Variants in STAP1 observed in about 807,000 individuals in gnomAD.
STAP1 encodes the protein signal transducing adaptor family member 1, also known as signal-transducing adaptor protein 1.
Under a neutral mutation model 37.8 loss-of-function variants are expected in STAP1, and 30 were observed. The observed-to-expected ratio is 0.79, with a 90% CI of 0.59 to 1.08. STAP1 has a LOEUF of 1.08. STAP1 is among the 50% of genes least tolerant of loss of function. STAP1 has a pLI of 0.00. For synonymous variants in STAP1, 130 were observed against 116.0 expected (o/e 1.12, Z -0.78); for missense variants, 357 against 349.4 (o/e 1.02, Z -0.17).
At chr4:67,569,607 T>C (rs1727553269) in intron 1 of STAP1, among the ~76,000 whole-genome samples, 1 of 152,056 alleles carries the variant, frequency 6.6e-6, no homozygotes, top group Non-Finnish European at 1.5e-5. Context: ...TAAAATTCTT[T>C]ATTTTATTTT....
In STAP1 at chr4:67,593,359, A is replaced by T. The variant is rs771750925; in HGVS notation, c.826+3A>T. ...ATGTTCAACTGATGAAAACACTGGT[A>T]TGTTTTTCACTTCATTGCTATGTTA... On this transcript the variant is annotated splice_donor_region_variant and intron_variant, in intron 8 of 8. Coordinates refer to ENST00000265404, the MANE Select transcript of STAP1 (RefSeq NM_012108.4). The T allele has an allele frequency of 6.3e-7, 1 of 1,593,964 alleles. No homozygotes were observed. Among genetic ancestry groups the T allele is most frequent in the Non-Finnish European group, 8.6e-7 (1 of 1,164,712 alleles).
rs3032636 is a variant in STAP1 at position 67,588,039 on chromosome 4, T to TAAA, written c.660-2821_660-2819dup. 2.7e-4 allele frequency among the ~76,000 whole-genome samples: 23 copies of TAAA among 85,634 alleles called. 1 individual carries two copies. The highest frequency in any genetic ancestry group is 9.1e-3 in the Middle Eastern group (1 of 110). 56.2% of individuals were successfully genotyped at this position (85,634 alleles called of 152,430 possible). ...GCACCCGGCTGGGGACACATTTTCT[T>TAAA]AAAAAAAAAAAAAAAAAAAAAAAAA... On this transcript the variant is annotated intron_variant, in intron 6 of 8. Coordinates refer to ENST00000265404, the MANE Select transcript of STAP1 (RefSeq NM_012108.4).
intron 1 of STAP1, among the ~76,000 whole-genome samples, chr4:67,568,268 C>T (rs761695393): frequency 6.6e-6 from 1 of 152,098 alleles, no homozygotes; most frequent in African/African-American, 2.4e-5. Context: ...TTCACATGCA[C>T]AATAAAAGAG....
At chr4:67,572,094 C>G (rs1560457992) in intron 2 of STAP1, among the ~76,000 whole-genome samples, 1 of 152,170 alleles carries the variant, frequency 6.6e-6, no homozygotes, top group Non-Finnish European at 1.5e-5. Flanking sequence ...AGAGCCTGGT[C>G]TCTTCAGACA....
intron 6 of STAP1, among the ~76,000 whole-genome samples, chr4:67,585,930 T>C (rs1179546590): frequency 6.6e-6 from 1 of 152,234 alleles, no homozygotes; most frequent in African/African-American, 2.4e-5. Flanking sequence ...TACTTCCACT[T>C]TTAAAGATGA....
intron 4 of STAP1, among the ~76,000 whole-genome samples, chr4:67,578,206 A>G (rs975769603): frequency 2.0e-5 from 3 of 152,218 alleles, no homozygotes; most frequent in Admixed American, 1.3e-4. Flanking sequence ...AGATAAAGCC[A>G]CTGTAGCAAT....
intron 8 of STAP1, among the ~76,000 whole-genome samples, chr4:67,598,571 A>G (rs1176956135): frequency 6.6e-6 from 1 of 152,036 alleles, no homozygotes; most frequent in African/African-American, 2.4e-5. Context: ...TGCCATTTGT[A>G]TGTCTTCTTT....
chr4:67,559,011 A>G, intron 1 of STAP1, 82 bp downstream of exon 1: 2 of 1,315,600 alleles, frequency 1.5e-6, no homozygotes, highest in Non-Finnish European at 2.0e-6. Flanking sequence ...ATGTGTTAAG[A>G]CCTCCTTGTT....
rs74754879 is a variant in STAP1, at chr4:67,606,420, C to T, written c.*63C>T. On this transcript the variant is annotated 3_prime_UTR_variant, in exon 9 of 9. Transcript: ENST00000265404. ...TTATATTTTCAAAACGAAGTTCTTA[C>T]TTTTAAAGAGAATTACCTATATTCT... 6.9e-7 allele frequency: 1 copy of T among 1,441,128 alleles called. No individual in the cohort carries two copies. Among genetic ancestry groups the T allele is most frequent in the Non-Finnish European group, 9.5e-7 (1 of 1,053,640 alleles). The allele number at this position is 1,441,128 out of a possible 1,614,324, so 89.3% of individuals were successfully genotyped here. A position where few individuals can be genotyped will look rare whatever the true frequency, so the allele number is the denominator to read the frequency against.
intron 6 of STAP1, among the ~76,000 whole-genome samples, chr4:67,586,573 T>C (rs556292345): frequency 2.0e-5 from 3 of 152,342 alleles, no homozygotes; most frequent in Non-Finnish European, 4.4e-5. Flanking sequence ...TACAATTAAC[T>C]ATGAGAAATA....
intron 8 of STAP1, among the ~76,000 whole-genome samples, chr4:67,600,851 G>A (rs1026601725): frequency 2.0e-5 from 3 of 151,892 alleles, no homozygotes; most frequent in African/African-American, 7.3e-5. Flanking sequence ...TTTAGTTTTA[G>A]TCTATGTCTG....
At chr4:67,582,540 T>G (rs1308687644) in intron 5 of STAP1, among the ~76,000 whole-genome samples, 1 of 152,108 alleles carries the variant, frequency 6.6e-6, no homozygotes, top group African/African-American at 2.4e-5. Context: ...ACTCTTGAGC[T>G]CGAGTGATCC....
chr4:67,576,931 A>T (rs1727735270), intron 3 of STAP1, among the ~76,000 whole-genome samples: 1 of 152,238 alleles, frequency 6.6e-6, no homozygotes, highest in Admixed American at 6.5e-5. Context: ...CTGTGAATTG[A>T]CATACTGCAA....
At chr4:67,602,006 A>C (rs1313833345) in intron 8 of STAP1, among the ~76,000 whole-genome samples, 15 of 151,780 alleles carry the variant, frequency 9.9e-5, no homozygotes, top group Admixed American at 9.8e-4. Flanking sequence ...CTTTTTTTCA[A>C]GATATTGTAG....
intron 2 of STAP1, among the ~76,000 whole-genome samples, chr4:67,572,430 T>G (rs1490158265): frequency 6.6e-6 from 1 of 152,102 alleles, no homozygotes; most frequent in Non-Finnish European, 1.5e-5. Context: ...GATCTTTGAC[T>G]GAGGGAGCAA....
At chr4:67,578,727 T>C (rs997727926) in intron 4 of STAP1, among the ~76,000 whole-genome samples, 8 of 152,170 alleles carry the variant, frequency 5.3e-5, no homozygotes, top group Non-Finnish European at 1.2e-4. Context: ...TGGCCAAACA[T>C]TTTGTTTTTA....
chr4:67,575,592 G>A (rs2109860967), intron 3 of STAP1, 94 bp downstream of exon 3: 2 of 903,056 alleles, frequency 2.2e-6, no homozygotes, highest in South Asian at 3.2e-5. Flanking sequence ...TTGTAAGACA[G>A]GCTAAGTCTT....
chr4:67,560,454 A>AC (rs1727308412), intron 1 of STAP1, among the ~76,000 whole-genome samples: 1 of 152,000 alleles, frequency 6.6e-6, no homozygotes, highest in Admixed American at 6.5e-5. Context: ...ATGGAAAAAA[A>AC]CACAAAGATT....
intron 6 of STAP1, among the ~76,000 whole-genome samples, chr4:67,589,595 T>C (rs1161777986): frequency 6.6e-6 from 1 of 152,194 alleles, no homozygotes; most frequent in Middle Eastern, 3.2e-3. Context: ...AAATGCTTAA[T>C]TAGTGTGTCA....
Sources: allele counts gnomAD v4.1 joint callset (sites outside exome capture counted in the v4.1 genomes callset), GRCh38; gene constraint gnomAD v4.1.1; transcripts MANE v1.5; gene names NCBI Gene and HGNC (gene_info 2026-07-23, HGNC 2026-07-21).